Variants in GPSM2 observed in about 807,000 individuals in gnomAD.
GPSM2 encodes the protein G protein-signaling modulator 2.
In GPSM2, 58 loss-of-function variants were observed where a neutral mutation model predicts 78.4. The observed-to-expected ratio is 0.74, with a 90% CI of 0.60 to 0.92. The LOEUF (loss-of-function observed/expected upper bound fraction) is 0.92, where lower values mean the gene tolerates loss of function less well. GPSM2 is among the 40% of genes least tolerant of loss of function. GPSM2 has a pLI of 0.00. For missense variants in GPSM2, 700 were observed against 815.5 expected (o/e 0.86, Z 1.73); for synonymous variants, 224 against 280.2 (o/e 0.80, Z 2.00).
chr1:108,912,777 G>A (rs1305053751), intron 10 of GPSM2, among the ~76,000 whole-genome samples: 1 of 151,564 alleles, frequency 6.6e-6, no homozygotes, highest in African/African-American at 2.4e-5. Flanking sequence ...CAGGCATGGT[G>A]GCTCACACAA....
intron 2 of GPSM2, among the ~76,000 whole-genome samples, chr1:108,894,500 C>A (rs1028083857): frequency 2.6e-5 from 4 of 152,120 alleles, no homozygotes; most frequent in Non-Finnish European, 4.4e-5. Context: ...GAGATTGAGA[C>A]CAGCCTGGCC....
At chr1:108,910,373 A>G (rs977973512) in intron 10 of GPSM2, among the ~76,000 whole-genome samples, 7 of 150,656 alleles carry the variant, frequency 4.6e-5, no homozygotes, top group African/African-American at 1.7e-4. Context: ...ACTAATTATA[A>G]TACCTTACAC....
intron 4 of GPSM2, 63 bp from the exon 5 acceptor site, chr1:108,897,896 A>G: frequency 6.5e-7 from 1 of 1,543,734 alleles, no homozygotes; most frequent in Non-Finnish European, 8.9e-7. Flanking sequence ...GGATATTACA[A>G]ATATATATGA....
rs199923069 is a variant in GPSM2, at chr1:108,914,392, A to G, written c.1247A>G (p.Lys416Arg). 22 of 1,609,414 alleles carry G rather than the reference A, an allele frequency of 1.4e-5. No homozygotes were observed. In the East Asian group the frequency reaches 4.7e-4, roughly 34 times the overall value. Residue 416 changes from lysine to arginine, a missense_variant, in exon 11 of 15, where the codon AAG becomes AGG. Transcript: ENST00000264126. Reference protein sequence around the residue: ...RHSMENMELMKLTPEKVQNWN... With the variant: ...RHSMENMELMRLTPEKVQNWN... ...AGTATGGAAAATATGGAACTTATGA[A>G]GTTAACACCAGAAAAGGTGGGTGGC...
chr1:108,898,728 T>C lies in GPSM2; in HGVS notation c.644T>C (p.Leu215Pro). 1.9e-6 allele frequency: 3 copies of C among 1,614,024 alleles called. No individual in the cohort carries two copies. The highest frequency in any genetic ancestry group is 2.5e-6 in the Non-Finnish European group (3 of 1,179,906). The change falls in exon 6 of 15, where the codon CTT becomes CCT. Residue 215 changes from leucine to proline, a missense_variant. Physicochemically the swap from Leu to Pro is moderately conservative, Grantham distance 98. Coordinates refer to ENST00000264126, the MANE Select transcript of GPSM2 (RefSeq NM_013296.5). Reference protein sequence around the residue: ...FGNLGNTHYLLGNFRDAVIAH... With the variant: ...FGNLGNTHYLPGNFRDAVIAH... ...AATCTTGGAAACACACATTACCTCC[T>C]TGGCAACTTCAGGGATGCAGTTATA... is the stretch of plus-strand genomic sequence containing the variant.
At chr1:108,890,993 G>A (rs55864873) in intron 2 of GPSM2, among the ~76,000 whole-genome samples, 2 of 152,072 alleles carry the variant, frequency 1.3e-5, no homozygotes, top group African/African-American at 4.8e-5. Flanking sequence ...ACATACTAAG[G>A]TATTTACAAA....
Position 108,934,133 on chromosome 1 carries a change from G to A in GPSM2, c.*4193G>A, listed in dbSNP as rs1223136245. The A allele has an allele frequency of 6.5e-6, 1 of 152,992 alleles. No individual in the cohort carries two copies. The highest frequency in any genetic ancestry group is 2.4e-5 in the African/African-American group (1 of 41,460). 9.5% of individuals were successfully genotyped at this position (152,992 alleles called of 1,614,324 possible). On this transcript the variant is annotated 3_prime_UTR_variant, in exon 15 of 15. Transcript: ENST00000264126. ...CAATAAGGATGCAGGCGTAGTAATAGCTGTGGAAAAGATGAAACTACAGCC... is the reference window on the plus strand; with the variant it reads ...CAATAAGGATGCAGGCGTAGTAATAACTGTGGAAAAGATGAAACTACAGCC...
At chr1:108,893,751 C>A (rs1350783508) in intron 2 of GPSM2, among the ~76,000 whole-genome samples, 1 of 152,058 alleles carries the variant, frequency 6.6e-6, no homozygotes, top group Non-Finnish European at 1.5e-5. Flanking sequence ...GCAAAATAAT[C>A]CTTTAATAAA....
chr1:108,894,651 T>C (rs6659259), intron 2 of GPSM2, among the ~76,000 whole-genome samples: 4,303 of 152,096 alleles, frequency 0.028, 215 homozygotes, highest in African/African-American at 0.098. Context: ...TTAGCCAAGA[T>C]TGTACTGCTG....
intron 1 of GPSM2, among the ~76,000 whole-genome samples, chr1:108,881,168 T>C (rs1484228916): frequency 6.6e-6 from 1 of 152,196 alleles, no homozygotes; most frequent in African/African-American, 2.4e-5. Flanking sequence ...TCCCGGGATA[T>C]GGAAAAAATG....
rs1399584456 is a variant in GPSM2 at position 108,931,167 on chromosome 1, CAA to C, written c.*1232_*1233del. On this transcript the variant is annotated 3_prime_UTR_variant, in exon 15 of 15. Transcript: ENST00000264126. ...ACTTTTCTAAGTTCTAATATAAAAA[CAA>C]AAAACAAAACCCATGTGGTTAGGTC... 2 of 758,314 alleles carry C rather than the reference CAA, an allele frequency of 2.6e-6. No homozygotes were observed. Among genetic ancestry groups the C allele is most frequent in the Admixed American group, 3.4e-5 (1 of 29,002 alleles). 47.0% of individuals were successfully genotyped at this position (758,314 alleles called of 1,614,324 possible). A position where few individuals can be genotyped will look rare whatever the true frequency, so the allele number is the denominator to read the frequency against.
chr1:108,887,181 C>T (rs1399122060), intron 2 of GPSM2, among the ~76,000 whole-genome samples: 1 of 152,168 alleles, frequency 6.6e-6, no homozygotes, highest in Non-Finnish European at 1.5e-5. Flanking sequence ...AGCCACCAAG[C>T]CCGGCCGGAA....
chr1:108,918,487 T>C, intron 11 of GPSM2, 126 bp from the exon 12 acceptor site: 1 of 711,954 alleles, frequency 1.4e-6, no homozygotes, highest in Non-Finnish European at 2.5e-6. Context: ...TAAAGAGATC[T>C]AAAATTCTTC....
rs1570900995 is a variant in GPSM2 at position 108,897,424 on chromosome 1, T to C, written c.279-68T>C. On this transcript the variant is annotated intron_variant, in intron 3 of 14. Transcript: ENST00000264126. Reference sequence around the variant, plus strand: ...TTGGAAAACTGTACTCTGGCTACTTTATATTTTAACACCATTTGTATTTTA... The same window carrying C: ...TTGGAAAACTGTACTCTGGCTACTTCATATTTTAACACCATTTGTATTTTA... The C allele has an allele frequency of 3.4e-6, 5 of 1,474,868 alleles. No homozygotes were observed. In the East Asian group the frequency reaches 1.2e-4, roughly 36 times the overall value. 91.4% of individuals were successfully genotyped at this position (1,474,868 alleles called of 1,614,324 possible). A position where few individuals can be genotyped will look rare whatever the true frequency, so the allele number is the denominator to read the frequency against.
intron 7 of GPSM2, among the ~76,000 whole-genome samples, chr1:108,900,095 A>G (rs1338745082): frequency 6.6e-6 from 1 of 152,184 alleles, no homozygotes; most frequent in African/African-American, 2.4e-5. Context: ...TAAAATGGAT[A>G]GTGGCTATTT....
chr1:108,887,745 T>C (rs964192735), intron 2 of GPSM2, among the ~76,000 whole-genome samples: 6 of 152,174 alleles, frequency 3.9e-5, no homozygotes, highest in African/African-American at 1.2e-4. Context: ...AGTGACAGTC[T>C]GTGAGAGCAT....
At chr1:108,891,839 G>A (rs1172024202) in intron 2 of GPSM2, among the ~76,000 whole-genome samples, 2 of 151,748 alleles carry the variant, frequency 1.3e-5, no homozygotes, top group African/African-American at 4.8e-5. Context: ...GTTTGATAAA[G>A]GTTAAAATCA....
intron 2 of GPSM2, 82 bp downstream of exon 2, chr1:108,885,660 A>G (rs1296146618): frequency 2.4e-6 from 2 of 850,932 alleles, no homozygotes; most frequent in Non-Finnish European, 4.1e-6. Flanking sequence ...TTCAAGTTTC[A>G]GTTGAAAATA....
intron 13 of GPSM2, 24 bp downstream of exon 13, chr1:108,922,600 CG>C: frequency 6.4e-7 from 1 of 1,564,676 alleles, no homozygotes; most frequent in Non-Finnish European, 8.8e-7. Context: ...GTTTCTCCCC[CG>C]ATTTTAATAG....
Sources: allele counts gnomAD v4.1 joint callset (sites outside exome capture counted in the v4.1 genomes callset), GRCh38; gene constraint gnomAD v4.1.1; transcripts MANE v1.5; gene names NCBI Gene and HGNC (gene_info 2026-07-23, HGNC 2026-07-21).